RNPEPL1: variants seen among roughly 807,000 people sequenced by gnomAD.
The protein encoded by RNPEPL1 is aminopeptidase RNPEPL1.
In RNPEPL1, 46 loss-of-function variants were observed where a neutral mutation model predicts 69.0. That is an observed-to-expected ratio of 0.67 (90% CI 0.53 to 0.85). RNPEPL1 has a LOEUF of 0.85. Ranked by LOEUF, RNPEPL1 falls within the 40% of genes least tolerant of loss-of-function variation. The pLI is 0.00. For synonymous variants in RNPEPL1, 525 were observed against 454.1 expected (o/e 1.16, Z -1.98); for missense variants, 869 against 992.5 (o/e 0.88, Z 1.67).
In RNPEPL1 at chr2:240,577,840, A is replaced by G. The variant is rs1460595962; in HGVS notation, c.2126A>G (p.Asp709Gly). 1 of 1,591,992 alleles carries G rather than the reference A, an allele frequency of 6.3e-7. No individual in the cohort carries two copies. Among genetic ancestry groups the G allele is most frequent in the Non-Finnish European group, 8.6e-7 (1 of 1,165,066 alleles). Residue 709 changes from aspartate (D) to glycine (G), a missense_variant, in exon 11 of 11, where the codon GAC becomes GGC. This residue lies in a region of RNPEPL1 where 610 missense variants were observed against 790.9 expected (regional missense o/e 0.77). Coordinates refer to ENST00000270357, the MANE Select transcript of RNPEPL1 (RefSeq NM_018226.6). The part of the protein sequence containing the change: ...DSDAQALLLG[D>G]EAPSSAISLR... ...GACGCACAGGCCCTGCTGCTTGGGG[A>G]CGAGGCCCCCAGCAGTGCCATCTCT...
chr2:240,572,967 G>C, intron 2 of RNPEPL1, 143 bp from the exon 3 acceptor site: 1 of 1,015,530 alleles, frequency 9.8e-7, no homozygotes, highest in Non-Finnish European at 1.4e-6. Context: ...GTTCTTCGGA[G>C]AGAAGTTCTC....
chr2:240,573,362 C>T (rs1425118692), intron 3 of RNPEPL1, 101 bp downstream of exon 3: 30 of 1,349,108 alleles, frequency 2.2e-5, no homozygotes, highest in African/African-American at 3.0e-5. Flanking sequence ...CTGAGGACCC[C>T]CACTGGCCTC....
Position 240,579,494 on chromosome 2 carries a change from G to C in RNPEPL1, c.*1602G>C, listed in dbSNP as rs776387663. The C allele has an allele frequency of 6.6e-6, 1 of 152,274 alleles. No homozygotes were observed. The highest frequency in any genetic ancestry group is 1.5e-5 in the Non-Finnish European group (1 of 68,084). 9.4% of individuals were successfully genotyped at this position (152,274 alleles called of 1,614,324 possible). On this transcript the variant is annotated 3_prime_UTR_variant, in exon 11 of 11. Transcript: ENST00000270357. ...TGGGGGAGGCGCCACCCCATCCAGA[G>C]ACCTAGGAACTAGAAGACTGCCACT... is the stretch of plus-strand genomic sequence containing the variant.
intron 7 of RNPEPL1, 86 bp downstream of exon 7, chr2:240,575,228 G>C: frequency 9.0e-7 from 1 of 1,112,206 alleles, no homozygotes. Flanking sequence ...TCTTGCGGCA[G>C]TTGGGGTGGA....
intron 10 of RNPEPL1, 111 bp from the exon 11 acceptor site, chr2:240,577,488 T>A: frequency 8.2e-7 from 1 of 1,226,200 alleles, no homozygotes; most frequent in Admixed American, 2.4e-5. Context: ...ACAGCCCTAA[T>A]GATGAAGCTG....
rs1471491125 is a variant in RNPEPL1, at chr2:240,568,582, C to A, written c.-5C>A. On this transcript the variant is annotated 5_prime_UTR_variant, in exon 1 of 11. Transcript: ENST00000270357. The surrounding 1 kb of genome is among the most constrained non-coding windows in gnomAD (Gnocchi z 6.2). ...GCCCATGGATTTCACCTAGTGCCGGCGGCCATGGCCGCGCAGTGCTGCTGC... is the reference window on the plus strand; with the variant it reads ...GCCCATGGATTTCACCTAGTGCCGGAGGCCATGGCCGCGCAGTGCTGCTGC... The A allele has an allele frequency of 2.0e-5, 20 of 980,962 alleles. No individual in the cohort carries two copies. The South Asian group carries it at 7.7e-4, about 38-fold the overall frequency. The allele number at this position is 980,962 out of a possible 1,614,324, so 60.8% of individuals were successfully genotyped here. A position where few individuals can be genotyped will look rare whatever the true frequency, so the allele number is the denominator to read the frequency against.
chr2:240,572,388 G>A (rs2093024222), intron 1 of RNPEPL1, 35 bp from the exon 2 acceptor site: 1 of 1,533,580 alleles, frequency 6.5e-7, no homozygotes, highest in African/African-American at 1.4e-5. Context: ...ACCCTAGCTG[G>A]GTGGCCGTCT....
chr2:240,580,240 G>A lies in RNPEPL1; in HGVS notation c.*2348G>A, dbSNP rs572841075. The stretch of plus-strand genomic sequence containing the variant: ...AATGCAGCCTCCGGCCGATACTCAG[G>A]CCAGTGTTGTTTCCCAACCTCTCCA... On this transcript the variant is annotated 3_prime_UTR_variant, in exon 11 of 11. Transcript: ENST00000270357. 6.6e-6 allele frequency: 1 copy of A among 152,256 alleles called. No homozygotes were observed. The highest frequency in any genetic ancestry group is 2.4e-5 in the African/African-American group (1 of 41,528). The allele number at this position is 152,256 out of a possible 1,614,324, so 9.4% of individuals were successfully genotyped here.
chr2:240,569,310 G>A, intron 1 of RNPEPL1, 196 bp downstream of exon 1: 1 of 575,102 alleles, frequency 1.7e-6, no homozygotes, highest in Non-Finnish European at 2.8e-6. Flanking sequence ...CGGGGACACG[G>A]GACAGCATGT....
At chr2:240,576,226 C>A (rs1055995859) in intron 8 of RNPEPL1, 8 of 455,010 alleles carry the variant, frequency 1.8e-5, no homozygotes, top group Middle Eastern at 5.6e-4. Context: ...GCGCAGGTGG[C>A]CTCCACCAGC....
chr2:240,568,761 G>T lies in RNPEPL1; in HGVS notation c.175G>T (p.Gly59Cys). ...GCGGCCCGAGGCGCGCGAGTTGGCC[G>T]GCTGCCTGGTGCTCGAGCTGTGCGC... ...ELRPEARELA[G>C]CLVLELCALR... Residue 59 changes from glycine to cysteine, a missense_variant, in exon 1 of 11, where the codon GGC becomes TGC. Gly to Cys is a radical substitution (Grantham distance 159, BLOSUM62 -3). Coordinates refer to ENST00000270357, the MANE Select transcript of RNPEPL1 (RefSeq NM_018226.6). The surrounding 1 kb of genome is among the most constrained non-coding windows in gnomAD (Gnocchi z 6.2). 9.4e-7 allele frequency: 1 copy of T among 1,067,940 alleles called. No homozygotes were observed. Among genetic ancestry groups the T allele is most frequent in the Admixed American group, 5.5e-5 (1 of 18,146 alleles). 66.2% of individuals were successfully genotyped at this position (1,067,940 alleles called of 1,614,324 possible).
intron 1 of RNPEPL1, among the ~76,000 whole-genome samples, chr2:240,569,800 C>T (rs2125447874): frequency 6.6e-6 from 1 of 152,366 alleles, no homozygotes; most frequent in East Asian, 1.9e-4. Context: ...GGACGGCACA[C>T]ATGTGACACC....
chr2:240,571,185 G>A (rs1302277882), intron 1 of RNPEPL1, among the ~76,000 whole-genome samples: 1 of 152,162 alleles, frequency 6.6e-6, no homozygotes, highest in South Asian at 2.1e-4. Context: ...AATGGGAGAC[G>A]CCTGTGCTAC....
chr2:240,574,985 A>C, intron 6 of RNPEPL1, 45 bp from the exon 7 acceptor site: 1 of 1,430,586 alleles, frequency 7.0e-7, no homozygotes, highest in Non-Finnish European at 9.9e-7. Context: ...TCCACGGGAC[A>C]CTGGTGGTTT....
At position 240,574,332 on chromosome 2, in the gene RNPEPL1, C is replaced by T; in HGVS notation, c.1158C>T (p.Ile386=). The T allele has an allele frequency of 6.3e-7, 1 of 1,591,474 alleles. No individual in the cohort carries two copies. The highest frequency in any genetic ancestry group is 8.5e-7 in the Non-Finnish European group (1 of 1,174,598). ...TGGCCACCTATGCCCAGCGCCGTAT[C>T]ACCACCGAGACCTACGGTGCGGCCA... ...EGLATYAQRR[I]TTETYGAAFT... The change falls in exon 5 of 11, where the codon ATC becomes ATT. Residue 386 remains isoleucine, a synonymous_variant. Transcript: ENST00000270357.
At chr2:240,569,163 G>C in intron 1 of RNPEPL1, 49 bp downstream of exon 1, 1 of 1,377,366 alleles carries the variant, frequency 7.3e-7, no homozygotes, top group African/African-American at 1.5e-5. Context: ...GCAGGGCGCT[G>C]CTAGCGGCCT....
At position 240,573,193 on chromosome 2, in the gene RNPEPL1, G is replaced by A. The variant is rs1206643034; in HGVS notation, c.753G>A (p.Glu251=). Reference sequence around the variant, plus strand: ...AAGGCGTCTTCCACTTCCACATGGAGCACCCCGTGCCCGCCTACCTCGTGG... The same window carrying A: ...AAGGCGTCTTCCACTTCCACATGGAACACCCCGTGCCCGCCTACCTCGTGG... ...EEEGVFHFHM[E]HPVPAYLVAL... The change falls in exon 3 of 11, where the codon GAG becomes GAA. Residue 251 remains glutamate (E), a synonymous_variant. Transcript: ENST00000270357. 1 of 1,595,070 alleles carries A rather than the reference G, an allele frequency of 6.3e-7. No individual in the cohort carries two copies. Among genetic ancestry groups the A allele is most frequent in the Non-Finnish European group, 8.5e-7 (1 of 1,171,762 alleles).
intron 1 of RNPEPL1, 70 bp downstream of exon 1, chr2:240,569,184 G>C: frequency 7.4e-7 from 1 of 1,359,344 alleles, no homozygotes; most frequent in Non-Finnish European, 9.4e-7. Context: ...CTCGCCGCAC[G>C]GCCAGGCTGA....
chr2:240,574,743 C>G, intron 6 of RNPEPL1, 115 bp downstream of exon 6: 1 of 987,616 alleles, frequency 1.0e-6, no homozygotes, highest in Non-Finnish European at 1.5e-6. Flanking sequence ...GTGCCTGGAC[C>G]CCTGCCAAGG....
Sources: gnomAD v4.1 joint callset for allele counts (sites outside exome capture counted in the v4.1 genomes callset) on GRCh38, gnomAD v4.1.1 for gene constraint, gnomAD v4.1.1 regional missense constraint, Gnocchi (gnomAD v3.1) non-coding constraint, MANE v1.5 for transcripts, NCBI Gene and HGNC (gene_info 2026-07-23, HGNC 2026-07-21) for gene names.